Variants in DSG4 observed in about 807,000 individuals in gnomAD.
The protein encoded by DSG4 is desmoglein-4.
Under a neutral mutation model 93.1 loss-of-function variants are expected in DSG4, and 87 were observed. That is an observed-to-expected ratio of 0.93 (90% CI 0.79 to 1.12). DSG4 has a LOEUF of 1.12. DSG4 is among the 50% of genes most tolerant of loss of function. The probability of loss-of-function intolerance (pLI) is 0.00; values close to 1 mark genes in which losing one functional copy is unlikely to be tolerated. For missense variants in DSG4, 1,373 were observed against 1,285.7 expected (o/e 1.07, Z -1.04); for synonymous variants, 432 against 452.9 (o/e 0.95, Z 0.59).
In DSG4 at chr18:31,413,756, T is replaced by C. The variant is rs1568075980; in HGVS notation, c.*161T>C. 2 of 954,494 alleles carry C rather than the reference T, an allele frequency of 2.1e-6. No homozygotes were observed. Among genetic ancestry groups the C allele is most frequent in the Non-Finnish European group, 3.1e-6 (2 of 647,508 alleles). 59.1% of individuals were successfully genotyped at this position (954,494 alleles called of 1,614,324 possible). A position where few individuals can be genotyped will look rare whatever the true frequency, so the allele number is the denominator to read the frequency against. ...GATTATACCATTTTGAGGGTGAATA[T>C]GGCTAGGCACTTTAGATAAGCCTTT... On this transcript the variant is annotated 3_prime_UTR_variant, in exon 16 of 16. Transcript: ENST00000308128.
At chr18:31,411,099 CTCTT>C in intron 14 of DSG4, 128 bp from the exon 15 acceptor site, 9 of 1,588,212 alleles carry the variant, frequency 5.7e-6, no homozygotes, top group African/African-American at 1.3e-5. Flanking sequence ...ACTTGTATCT[CTCTT>C]TGTCAGCTTT....
At chr18:31,394,472 G>C (rs934176238) in intron 8 of DSG4, among the ~76,000 whole-genome samples, 13 of 152,162 alleles carry the variant, frequency 8.5e-5, no homozygotes, top group Non-Finnish European at 1.6e-4. Context: ...AACTACTCGG[G>C]AGGCTGAGGC....
chr18:31,400,730 T>C (rs2072355674), intron 9 of DSG4, 151 bp from the exon 10 acceptor site: 2 of 701,052 alleles, frequency 2.9e-6, no homozygotes, highest in South Asian at 4.3e-5. Context: ...GAATTTTTAT[T>C]GATATATATG....
In DSG4 at chr18:31,379,479, A is replaced by C. The variant is rs1218572282; in HGVS notation, c.48+2520A>C. On this transcript the variant is annotated intron_variant, in intron 1 of 15. Coordinates refer to ENST00000308128, the MANE Select transcript of DSG4 (RefSeq NM_177986.5). ...ATTGTATAAATTTTATAAGGAAGGAATCACTTACGGCAGGACAGTTATTAG... is the reference window on the plus strand; with the variant it reads ...ATTGTATAAATTTTATAAGGAAGGACTCACTTACGGCAGGACAGTTATTAG... Among the ~76,000 whole-genome samples, 6 of 152,214 alleles carry C rather than the reference A, an allele frequency of 3.9e-5. No individual in the cohort carries two copies. The East Asian group carries it at 1.2e-3, about 29-fold the overall frequency.
At chr18:31,395,697 G>A (rs1207165300) in intron 8 of DSG4, among the ~76,000 whole-genome samples, 1 of 152,088 alleles carries the variant, frequency 6.6e-6, no homozygotes, top group Non-Finnish European at 1.5e-5. Flanking sequence ...TTAGTCTGAG[G>A]AAATTACAAA....
intron 8 of DSG4, among the ~76,000 whole-genome samples, chr18:31,395,015 AC>A (rs1250260882): frequency 2.6e-5 from 4 of 152,136 alleles, no homozygotes; most frequent in Non-Finnish European, 5.9e-5. Context: ...ATATCTTTCT[AC>A]CCCCAGCACC....
At chr18:31,405,186 A>G (rs2072411117) in intron 11 of DSG4, among the ~76,000 whole-genome samples, 2 of 152,192 alleles carry the variant, frequency 1.3e-5, no homozygotes. Flanking sequence ...TTAGCTGTAA[A>G]TTTAATCATC....
At chr18:31,392,957 C>T (rs959140503) in intron 8 of DSG4, among the ~76,000 whole-genome samples, 4 of 152,124 alleles carry the variant, frequency 2.6e-5, no homozygotes. Flanking sequence ...CTGCTGAGAA[C>T]CTTGCATACT....
chr18:31,386,576 T>G, intron 2 of DSG4, 112 bp from the exon 3 acceptor site: 1 of 1,500,982 alleles, frequency 6.7e-7, no homozygotes, highest in Non-Finnish European at 9.2e-7. Flanking sequence ...TCTCTGTTCT[T>G]CAAATTCAAT....
At chr18:31,399,994 C>A (rs969721841) in intron 9 of DSG4, among the ~76,000 whole-genome samples, 1 of 151,838 alleles carries the variant, frequency 6.6e-6, no homozygotes, top group African/African-American at 2.4e-5. Flanking sequence ...ATCATAGAAG[C>A]GAAAAACAGT....
intron 8 of DSG4, among the ~76,000 whole-genome samples, chr18:31,396,626 G>A (rs2072309359): frequency 6.6e-6 from 1 of 152,136 alleles, no homozygotes; most frequent in Non-Finnish European, 1.5e-5. Flanking sequence ...ACAGTGCTGG[G>A]ATTACATGTG....
Position 31,403,407 on chromosome 18 carries a change from C to T in DSG4, c.1418-9C>T. On this transcript the variant is annotated splice_polypyrimidine_tract_variant and intron_variant, in intron 10 of 15. Transcript: ENST00000308128. ...TTTACCTCAACACCAATGACCCTTA[C>T]TCTTTCAGATGGCTCTGGAAAAACA... 1.2e-6 allele frequency: 2 copies of T among 1,607,444 alleles called. No individual in the cohort carries two copies. The highest frequency in any genetic ancestry group is 1.7e-6 in the Non-Finnish European group (2 of 1,175,530).
chr18:31,388,319 C>T (rs1209669697), intron 3 of DSG4, 48 bp from the exon 4 acceptor site: 2 of 1,604,788 alleles, frequency 1.2e-6, no homozygotes, highest in Non-Finnish European at 1.7e-6. Context: ...CACTCTTAAG[C>T]ATTATCTGCT....
At chr18:31,383,162 T>C (rs1388878182) in intron 1 of DSG4, among the ~76,000 whole-genome samples, 2 of 152,242 alleles carry the variant, frequency 1.3e-5, no homozygotes, top group Non-Finnish European at 2.9e-5. Context: ...GAGCATTTGC[T>C]GTGCCTATCA....
intron 10 of DSG4, among the ~76,000 whole-genome samples, chr18:31,402,346 C>T (rs951201417): frequency 1.3e-5 from 2 of 152,082 alleles, no homozygotes; most frequent in Non-Finnish European, 2.9e-5. Flanking sequence ...CTTTGGTTGC[C>T]AATCACAAGG....
intron 15 of DSG4, among the ~76,000 whole-genome samples, chr18:31,412,025 A>G (rs1417827353): frequency 1.3e-5 from 2 of 152,176 alleles, no homozygotes; most frequent in African/African-American, 4.8e-5. Context: ...ACTGCTGGGT[A>G]TATATCCAAA....
chr18:31,396,994 C>A (rs1437190882), intron 8 of DSG4, among the ~76,000 whole-genome samples: 1 of 152,164 alleles, frequency 6.6e-6, no homozygotes, highest in Non-Finnish European at 1.5e-5. Context: ...GATATTTGAC[C>A]ATTTCCCCAG....
intron 8 of DSG4, among the ~76,000 whole-genome samples, chr18:31,398,090 G>A (rs1280906807): frequency 6.6e-6 from 1 of 150,958 alleles, no homozygotes; most frequent in Admixed American, 6.6e-5. Flanking sequence ...AGATAGCATG[G>A]AATTCTATTA....
In DSG4 at chr18:31,413,993, G is replaced by A. The variant is rs2144226079; in HGVS notation, c.*398G>A. 6.3e-6 allele frequency: 1 copy of A among 159,110 alleles called. No homozygotes were observed. The highest frequency in any genetic ancestry group is 1.8e-4 in the East Asian group (1 of 5,486). 9.9% of individuals were successfully genotyped at this position (159,110 alleles called of 1,614,324 possible). A position where few individuals can be genotyped will look rare whatever the true frequency, so the allele number is the denominator to read the frequency against. ...CATCCACCAGCCATATTTTTCGTTA[G>A]GGAAATATTTATATTAAAATTTTTA... On this transcript the variant is annotated 3_prime_UTR_variant, in exon 16 of 16. Coordinates refer to ENST00000308128, the MANE Select transcript of DSG4 (RefSeq NM_177986.5).
Sources: allele counts gnomAD v4.1 joint callset (sites outside exome capture counted in the v4.1 genomes callset), GRCh38; gene constraint gnomAD v4.1.1; transcripts MANE v1.5; gene names NCBI Gene and HGNC (gene_info 2026-07-23, HGNC 2026-07-21).